Variants in ZDHHC6 observed in about 807,000 individuals in gnomAD.
The protein encoded by ZDHHC6 is zDHHC palmitoyltransferase 6.
ZDHHC6 carries 32 observed loss-of-function variants against 57.8 expected under a neutral mutation model. That is an observed-to-expected ratio of 0.55 (90% CI 0.42 to 0.74). ZDHHC6 has a LOEUF of 0.74. Among genes scored for constraint, ZDHHC6 ranks in the 30% least tolerant of loss-of-function variants. The pLI is 0.00. For synonymous variants in ZDHHC6, 128 were observed against 158.0 expected (o/e 0.81, Z 1.42); for missense variants, 433 against 500.7 (o/e 0.86, Z 1.29).
At chr10:112,427,382 G>A (rs11556760), downstream of ZDHHC6, 59 of 1,590,960 alleles carry the variant, frequency 3.7e-5, no homozygotes, top group Admixed American at 1.4e-4. Flanking sequence ...AGTACCTGCC[G>A]GCCCACTGTG....
intron 6 of ZDHHC6, among the ~76,000 whole-genome samples, chr10:112,435,590 G>A (rs930276357): frequency 6.6e-6 from 1 of 152,132 alleles, no homozygotes; most frequent in Non-Finnish European, 1.5e-5. Flanking sequence ...GGAAAATGTT[G>A]CAATTATTTG....
downstream of ZDHHC6, chr10:112,427,968 T>A (rs779988686): frequency 3.1e-4 from 48 of 154,356 alleles, no homozygotes; most frequent in Non-Finnish European, 4.6e-4. Flanking sequence ...TACCAAACAT[T>A]TCCTAAACTC....
intron 2 of ZDHHC6, 81 bp downstream of exon 2, chr10:112,445,089 G>T: frequency 6.9e-7 from 1 of 1,456,836 alleles, no homozygotes; most frequent in Non-Finnish European, 9.3e-7. Flanking sequence ...GGCTGTGTTT[G>T]GTATTATTGG....
Position 112,445,371 on chromosome 10 carries a change from C to T in ZDHHC6, c.66G>A (p.Trp22Ter). ...NLQELKRLCH[W>*]GPIIALGVIA... Reference sequence around the variant, plus strand: ...TAACACCAAGGGCTATGATGGGACCCCAGTGACACAGTCTCTTTAATTCTT... The same window carrying T: ...TAACACCAAGGGCTATGATGGGACCTCAGTGACACAGTCTCTTTAATTCTT... The change falls in exon 2 of 11, where the codon TGG (tryptophan) becomes TGA (stop). Residue 22 changes from tryptophan (W) to a stop codon, truncating the protein, a stop_gained. Transcript: ENST00000369405. LOFTEE classifies it high-confidence loss of function. The T allele has an allele frequency of 6.2e-7, 1 of 1,614,150 alleles. No individual in the cohort carries two copies. Among genetic ancestry groups the T allele is most frequent in the Non-Finnish European group, 8.5e-7 (1 of 1,180,024 alleles).
Position 112,445,592 on chromosome 10 carries a change from G to T in ZDHHC6, c.-156C>A. ...GCAGATTACACCATTTTCACTGTCA[G>T]GCACCCAAAGCTCTTTATCTTAACT... On this transcript the variant is annotated 5_prime_UTR_variant, in exon 2 of 11. The change creates a new upstream start codon in the 5' untranslated region. Coordinates refer to ENST00000369405, the MANE Select transcript of ZDHHC6 (RefSeq NM_022494.3). 1.2e-6 allele frequency: 1 copy of T among 854,664 alleles called. No homozygotes were observed. The highest frequency in any genetic ancestry group is 1.7e-6 in the Non-Finnish European group (1 of 574,834). 52.9% of individuals were successfully genotyped at this position (854,664 alleles called of 1,614,324 possible).
At position 112,430,321 on chromosome 10, in the gene ZDHHC6, C is replaced by T. The variant is rs1844910923; in HGVS notation, c.*483G>A. 1 of 152,244 alleles carries T rather than the reference C, an allele frequency of 6.6e-6. No homozygotes were observed. The highest frequency in any genetic ancestry group is 1.5e-5 in the Non-Finnish European group (1 of 68,078). The allele number at this position is 152,244 out of a possible 1,614,324, so 9.4% of individuals were successfully genotyped here. A position where few individuals can be genotyped will look rare whatever the true frequency, so the allele number is the denominator to read the frequency against. ...CTGATTATACCCAACATCCATTGAT[C>T]TTTATTTGATTTGACAAAATCTGCA... On this transcript the variant is annotated 3_prime_UTR_variant, in exon 11 of 11. Coordinates refer to ENST00000369405, the MANE Select transcript of ZDHHC6 (RefSeq NM_022494.3).
chr10:112,442,095 G>GA, intron 4 of ZDHHC6, 97 bp downstream of exon 4: 2 of 1,327,946 alleles, frequency 1.5e-6, no homozygotes, highest in Non-Finnish European at 9.9e-7. Context: ...CTAAATCACA[G>GA]AAAGCATATT....
intron 10 of ZDHHC6, among the ~76,000 whole-genome samples, chr10:112,432,020 T>C (rs956968985): frequency 5.3e-5 from 8 of 152,346 alleles, no homozygotes; most frequent in Non-Finnish European, 1.0e-4. Context: ...ACTTTTCGCA[T>C]AGTTATGAGC....
chr10:112,447,214 C>T, upstream of ZDHHC6: 1 of 657,820 alleles, frequency 1.5e-6, no homozygotes, highest in Non-Finnish European at 2.5e-6. Context: ...GAGATTGCGA[C>T]GAACAACCAG....
rs138113304 is a variant in ZDHHC6, at chr10:112,440,562, A to C, written c.653T>G (p.Ile218Arg). 1.2e-6 allele frequency: 2 copies of C among 1,613,902 alleles called. No individual in the cohort carries two copies. Among genetic ancestry groups the C allele is most frequent in the South Asian group, 2.2e-5 (2 of 91,062 alleles). Residue 218 changes from isoleucine to arginine, a missense_variant, in exon 5 of 11, where the codon ATA becomes AGA. By Grantham distance (97) the Ile-to-Arg change is moderately conservative. Transcript: ENST00000369405. Reference sequence around the variant, plus strand: ...GATAAAAAACAACATCCCAACAGCTATGGTTGTTCCTAAAGCTAATCCCAA... The same window carrying C: ...GATAAAAAACAACATCCCAACAGCTCTGGTTGTTCCTAAAGCTAATCCCAA... Reference protein sequence around the residue: ...FALGLALGTTIAVGMLFFIQM... With the variant: ...FALGLALGTTRAVGMLFFIQM...
At position 112,433,433 on chromosome 10, in the gene ZDHHC6, G is replaced by A. The variant is rs1001707263; in HGVS notation, c.904-152C>T. 2.1e-5 allele frequency: 12 copies of A among 578,574 alleles called. No individual in the cohort carries two copies. In the Middle Eastern group the frequency reaches 2.1e-3, roughly 101 times the overall value. The allele number at this position is 578,574 out of a possible 1,614,324, so 35.8% of individuals were successfully genotyped here. On this transcript the variant is annotated intron_variant, in intron 7 of 10. Coordinates refer to ENST00000369405, the MANE Select transcript of ZDHHC6 (RefSeq NM_022494.3). ...AATTTAAAGGCCACAGGTTGTTTTA[G>A]CATGGAAAAAAAGGCCCTATGCTAA...
Position 112,434,432 on chromosome 10 carries a change from A to G in ZDHHC6, c.768T>C (p.Asp256=). 6.2e-7 allele frequency: 1 copy of G among 1,613,826 alleles called. No individual in the cohort carries two copies. The highest frequency in any genetic ancestry group is 1.3e-5 in the African/African-American group (1 of 75,044). The change falls in exon 7 of 11, where the codon GAT becomes GAC. Residue 256 remains aspartate (D), a synonymous_variant. Coordinates refer to ENST00000369405, the MANE Select transcript of ZDHHC6 (RefSeq NM_022494.3). ...TATCATATGGAAAAACAAAGACTTCATCTAGTTGATAATACTGAATTCGAT... is the reference window on the plus strand; with the variant it reads ...TATCATATGGAAAAACAAAGACTTCGTCTAGTTGATAATACTGAATTCGAT... ...AKDRIQYYQL[D]EVFVFPYDMG... is the part of the protein sequence containing the mutation.
chr10:112,432,644 C>T, intron 8 of ZDHHC6, 123 bp from the exon 9 acceptor site: 2 of 1,176,048 alleles, frequency 1.7e-6, no homozygotes, highest in Non-Finnish European at 2.3e-6. Flanking sequence ...AGTTCCCCTT[C>T]TAGGGGAACC....
chr10:112,439,996 T>A (rs1845953668), intron 5 of ZDHHC6, among the ~76,000 whole-genome samples: 1 of 152,152 alleles, frequency 6.6e-6, no homozygotes, highest in African/African-American at 2.4e-5. Context: ...TATATTATGA[T>A]TACTATTATT....
At chr10:112,437,931 T>G (rs1039818796) in intron 6 of ZDHHC6, among the ~76,000 whole-genome samples, 1 of 152,160 alleles carries the variant, frequency 6.6e-6, no homozygotes, top group Non-Finnish European at 1.5e-5. Context: ...TTGTGAGGTC[T>G]GTGACAAGCA....
At chr10:112,437,472 T>A (rs1290534630) in intron 6 of ZDHHC6, among the ~76,000 whole-genome samples, 2 of 152,196 alleles carry the variant, frequency 1.3e-5, no homozygotes, top group Non-Finnish European at 2.9e-5. Flanking sequence ...CGGAAGAACA[T>A]CCACTATTAT....
At chr10:112,444,024 C>T (rs1051824589) in intron 2 of ZDHHC6, among the ~76,000 whole-genome samples, 3 of 152,184 alleles carry the variant, frequency 2.0e-5, no homozygotes, top group Non-Finnish European at 4.4e-5. Context: ...CCATTTTAAT[C>T]ACTTCCTAAC....
In ZDHHC6 at chr10:112,445,474, TA is replaced by T. The variant is rs1284526904; in HGVS notation, c.-39del. 1 of 1,596,806 alleles carries T rather than the reference TA, an allele frequency of 6.3e-7. No homozygotes were observed. Among genetic ancestry groups the T allele is most frequent in the African/African-American group, 1.4e-5 (1 of 74,002 alleles). ...GAATGCCTTCCTACTTTAAAAGAATTATAGATTTCCTTTTTCTGTGCGCACA... is the reference window on the plus strand; with the variant it reads ...GAATGCCTTCCTACTTTAAAAGAATTTAGATTTCCTTTTTCTGTGCGCACA... On this transcript the variant is annotated 5_prime_UTR_variant, in exon 2 of 11. The change creates a premature stop within an existing upstream ORF in the 5' untranslated region. Transcript: ENST00000369405.
chr10:112,426,436 A>G, downstream of ZDHHC6: 2 of 1,258,982 alleles, frequency 1.6e-6, no homozygotes, highest in Non-Finnish European at 1.2e-6. Context: ...CAGTTCCTGC[A>G]TCTGTCACAA....
Sources: gnomAD v4.1 joint callset for allele counts (sites outside exome capture counted in the v4.1 genomes callset) on GRCh38, gnomAD v4.1.1 for gene constraint, MANE v1.5 for transcripts, NCBI Gene and HGNC (gene_info 2026-07-23, HGNC 2026-07-21) for gene names.